The following PTPN12 variants were observed in gnomAD, a reference collection of about 807,000 sequenced individuals.
The protein encoded by PTPN12 is tyrosine-protein phosphatase non-receptor type 12.
PTPN12 carries 29 observed loss-of-function variants against 97.6 expected under a neutral mutation model. That is an observed-to-expected ratio of 0.30 (90% CI 0.22 to 0.41). PTPN12 has a LOEUF of 0.41. Among genes scored for constraint, PTPN12 ranks in the 10% least tolerant of loss-of-function variants. The pLI, the probability that PTPN12 is intolerant of heterozygous loss-of-function variation, is 1.00. For synonymous variants in PTPN12, 327 were observed against 300.4 expected, an observed-to-expected ratio of 1.09 and a Z score of -0.91; for missense variants, 819 against 926.0, an observed-to-expected ratio of 0.88 and a Z score of 1.50.
intron 17 of PTPN12, 132 bp downstream of exon 17, chr7:77,638,863 G>T: frequency 7.7e-7 from 1 of 1,298,606 alleles, no homozygotes; most frequent in Non-Finnish European, 1.0e-6. Flanking sequence ...GACTAGTCAT[G>T]AAATAAATGA....
At chr7:77,579,360 T>C (rs117220228) in intron 2 of PTPN12, among the ~76,000 whole-genome samples, 2,828 of 152,198 alleles carry the variant, frequency 0.019, 34 homozygotes, top group Middle Eastern at 0.071. Flanking sequence ...CTTAACCTCA[T>C]GTGATCCGCC....
chr7:77,556,730 T>C (rs989683426), intron 1 of PTPN12, among the ~76,000 whole-genome samples: 2 of 151,896 alleles, frequency 1.3e-5, no homozygotes, highest in Admixed American at 6.6e-5. Context: ...CTCGGGAGGC[T>C]GAGGCAGGAG....
At chr7:77,543,016 G>A (rs1235793195) in intron 1 of PTPN12, among the ~76,000 whole-genome samples, 1 of 152,094 alleles carries the variant, frequency 6.6e-6, no homozygotes, top group Non-Finnish European at 1.5e-5. Flanking sequence ...ATATACTAGT[G>A]ATTGTTCCTG....
chr7:77,549,538 C>A (rs1807382750), intron 1 of PTPN12, among the ~76,000 whole-genome samples: 1 of 150,456 alleles, frequency 6.6e-6, no homozygotes. Flanking sequence ...ATGGAACCTT[C>A]TTGCAAGGAA....
intron 1 of PTPN12, among the ~76,000 whole-genome samples, chr7:77,538,274 C>G (rs888164260): frequency 1.3e-5 from 2 of 152,158 alleles, no homozygotes; most frequent in Non-Finnish European, 2.9e-5. Context: ...CGTCCCGCTT[C>G]TCCTCTCCTG....
rs1787657328 is a variant in PTPN12, at chr7:77,585,411, AT to A, written c.382-130del. 6 of 673,238 alleles carry A rather than the reference AT, an allele frequency of 8.9e-6. 1 individual carries two copies. In the Middle Eastern group the frequency reaches 1.6e-3, roughly 179 times the overall value. 41.7% of individuals were successfully genotyped at this position (673,238 alleles called of 1,614,324 possible). A position where few individuals can be genotyped will look rare whatever the true frequency, so the allele number is the denominator to read the frequency against. ...AATTTCTTTAACTTACACATTTAATATTGAAACTACTTTTTTAGGCAAGCCA... is the reference window on the plus strand; with the variant it reads ...AATTTCTTTAACTTACACATTTAATATGAAACTACTTTTTTAGGCAAGCCA... On this transcript the variant is annotated intron_variant, in intron 4 of 17. Coordinates refer to ENST00000248594, the MANE Select transcript of PTPN12 (RefSeq NM_002835.4).
chr7:77,557,400 C>T (rs768414548), intron 1 of PTPN12, among the ~76,000 whole-genome samples: 19 of 152,216 alleles, frequency 1.2e-4, no homozygotes, highest in African/African-American at 4.3e-4. Flanking sequence ...TCCGTATTCA[C>T]CTTCTGTCTC....
At chr7:77,561,784 TTTTATTTATTTA>T (rs1485824745) in intron 1 of PTPN12, among the ~76,000 whole-genome samples, 1 of 139,728 alleles carries the variant, frequency 7.2e-6, no homozygotes, top group Non-Finnish European at 1.5e-5. Context: ...AATTAATTAA[TTTTATTTATTTA>T]TTTATTTATT....
At chr7:77,575,271 T>C (rs2151324066) in intron 2 of PTPN12, among the ~76,000 whole-genome samples, 1 of 152,274 alleles carries the variant, frequency 6.6e-6, no homozygotes, top group Admixed American at 6.5e-5. Flanking sequence ...GGGCAGATTA[T>C]TTGAGCTCAG....
intron 12 of PTPN12, among the ~76,000 whole-genome samples, chr7:77,622,095 T>C (rs117252573): frequency 0.018 from 2,799 of 152,300 alleles, 34 homozygotes; most frequent in Middle Eastern, 0.072. Context: ...GCTGGAACTA[T>C]AGACACACAC....
At chr7:77,615,674 C>T (rs1788726759) in intron 11 of PTPN12, among the ~76,000 whole-genome samples, 1 of 152,058 alleles carries the variant, frequency 6.6e-6, no homozygotes, top group Non-Finnish European at 1.5e-5. Context: ...TTGTTTGAGC[C>T]CAGGAGTTCA....
chr7:77,564,753 T>TGTTTTG (rs1562715116), intron 1 of PTPN12, among the ~76,000 whole-genome samples: 1 of 81,628 alleles, frequency 1.2e-5, no homozygotes, highest in Non-Finnish European at 2.3e-5. Flanking sequence ...CGTGTTTTTT[T>TGTTTTG]TTTTTTTTTT....
chr7:77,580,283 C>T (rs1380985002), intron 2 of PTPN12, among the ~76,000 whole-genome samples: 2 of 152,180 alleles, frequency 1.3e-5, no homozygotes, highest in Admixed American at 6.5e-5. Context: ...GCTATGATTG[C>T]AGCACTGCAC....
chr7:77,637,637 C>T (rs1482103582), intron 16 of PTPN12, among the ~76,000 whole-genome samples: 1 of 151,920 alleles, frequency 6.6e-6, no homozygotes, highest in Non-Finnish European at 1.5e-5. Context: ...CAGGCAATCA[C>T]CTGAGGTCAG....
Position 77,627,172 on chromosome 7 carries a change from G to A in PTPN12, c.1493G>A (p.Cys498Tyr), listed in dbSNP as rs372599116. The change falls in exon 13 of 18, where the codon TGC becomes TAC. Residue 498 changes from cysteine to tyrosine, a missense_variant. This residue lies in a region of PTPN12 where 607 missense variants were observed against 577.3 expected (regional missense o/e 1.05). Transcript: ENST00000248594. The stretch of plus-strand genomic sequence containing the variant: ...ACTTCCCAGAATTCTTGTGTGGACT[G>A]CAGTGTAACACAATCAAACAAAGTT... ...GDTSQNSCVD[C>Y]SVTQSNKVSV... 5 of 1,613,978 alleles carry A rather than the reference G, an allele frequency of 3.1e-6. No individual in the cohort carries two copies. The African/African-American group carries it at 5.3e-5, about 17-fold the overall frequency.
intron 1 of PTPN12, among the ~76,000 whole-genome samples, chr7:77,549,343 A>G (rs371109879): frequency 6.6e-6 from 1 of 152,166 alleles, no homozygotes; most frequent in Non-Finnish European, 1.5e-5. Flanking sequence ...AAAAGCACAA[A>G]GAGTCCTTGT....
At chr7:77,629,940 A>C (rs1289018406) in intron 13 of PTPN12, among the ~76,000 whole-genome samples, 3 of 66,186 alleles carry the variant, frequency 4.5e-5, no homozygotes, top group Non-Finnish European at 1.0e-4. Context: ...ACCCTGTCTC[A>C]AAAAAAAAAA....
chr7:77,607,747 TTTTTTTTTTTTTC>T (rs965069256), intron 9 of PTPN12, among the ~76,000 whole-genome samples: 2 of 137,418 alleles, frequency 1.5e-5, no homozygotes, highest in Admixed American at 1.4e-4. Context: ...TTTCATTGCC[TTTTTTTTTTTTTC>T]TTTTTTTTCC....
At position 77,626,970 on chromosome 7, in the gene PTPN12, G is replaced by T; in HGVS notation, c.1291G>T (p.Glu431Ter). Reference sequence around the variant, plus strand: ...AATTGAACAGATAGATAAAAAATTGGAACGAAATTTAAGTTTTGAGATTAA... The same window carrying T: ...AATTGAACAGATAGATAAAAAATTGTAACGAAATTTAAGTTTTGAGATTAA... ...STIEQIDKKL[E>*]RNLSFEIKKV... Residue 431 changes from glutamate to a stop codon, truncating the protein, a stop_gained, in exon 13 of 18, where the codon GAA becomes TAA. Transcript: ENST00000248594. LOFTEE classifies it high-confidence loss of function. 1 of 1,609,982 alleles carries T rather than the reference G, an allele frequency of 6.2e-7. No homozygotes were observed. The highest frequency in any genetic ancestry group is 1.1e-5 in the South Asian group (1 of 90,690).
Sources: gnomAD v4.1 joint callset for allele counts (sites outside exome capture counted in the v4.1 genomes callset) on GRCh38, gnomAD v4.1.1 for gene constraint, gnomAD v4.1.1 regional missense constraint, MANE v1.5 for transcripts, NCBI Gene and HGNC (gene_info 2026-07-23, HGNC 2026-07-21) for gene names.